The following NIBAN1 variants were observed in gnomAD, a reference collection of about 807,000 sequenced individuals.
NIBAN1 encodes the protein protein Niban 1.
Under a neutral mutation model 75.1 loss-of-function variants are expected in NIBAN1, and 81 were observed. The ratio of observed to expected loss-of-function variants is 1.08; its 90% CI spans 0.90 to 1.30. The LOEUF (loss-of-function observed/expected upper bound fraction) is 1.30, where lower values mean the gene tolerates loss of function less well. Ranked by LOEUF, NIBAN1 falls within the 50% of genes most tolerant of loss-of-function variation. The pLI, the probability that NIBAN1 is intolerant of heterozygous loss-of-function variation, is 0.00. For synonymous variants in NIBAN1, 436 were observed against 424.8 expected, an observed-to-expected ratio of 1.03 and a Z score of -0.32; for missense variants, 1,133 against 1,128.1, an observed-to-expected ratio of 1.00 and a Z score of -0.06.
Position 184,884,624 on chromosome 1 carries a change from G to A in NIBAN1, c.601+9C>T, listed in dbSNP as rs373975550. 32 of 1,613,638 alleles carry A rather than the reference G, an allele frequency of 2.0e-5. 1 individual carries two copies. The highest frequency in any genetic ancestry group is 4.0e-5 in the African/African-American group (3 of 74,906). ...CCGCCCCGGGGATGAGAGGGGAGCC[G>A]CGCCATACCATGATTGAGATGCCTG... On this transcript the variant is annotated intron_variant, in intron 5 of 13. Transcript: ENST00000367511.
chr1:184,899,443 C>A (rs1656888677), intron 1 of NIBAN1, 134 bp from the exon 2 acceptor site: 1 of 888,488 alleles, frequency 1.1e-6, no homozygotes, highest in Non-Finnish European at 1.7e-6. Flanking sequence ...CCTCCAGTCA[C>A]CCCTGTTTCC....
chr1:184,791,141 C>T lies in NIBAN1; in HGVS notation c.*3836G>A. On this transcript the variant is annotated 3_prime_UTR_variant, in exon 14 of 14. Coordinates refer to ENST00000367511, the MANE Select transcript of NIBAN1 (RefSeq NM_052966.4). Reference sequence around the variant, plus strand: ...TATAGTGACCGGGAAAGTCAATCCACAGTGTCGATTTTTTTTCTTGAAGTT... The same window carrying T: ...TATAGTGACCGGGAAAGTCAATCCATAGTGTCGATTTTTTTTCTTGAAGTT... The T allele has an allele frequency of 2.3e-6, 1 of 434,844 alleles. No individual in the cohort carries two copies. The allele number at this position is 434,844 out of a possible 1,614,324, so 26.9% of individuals were successfully genotyped here.
chr1:184,851,798 C>G (rs1341353121), intron 5 of NIBAN1, among the ~76,000 whole-genome samples: 2 of 150,988 alleles, frequency 1.3e-5, no homozygotes, highest in Admixed American at 1.3e-4. Flanking sequence ...TGAAATGTTA[C>G]ACTGTTAATT....
chr1:184,957,472 G>A (rs570527591), intron 1 of NIBAN1, among the ~76,000 whole-genome samples: 8 of 152,290 alleles, frequency 5.3e-5, no homozygotes, highest in Non-Finnish European at 8.8e-5. Context: ...CTTCTGTAGA[G>A]GCATTGTGTT....
At chr1:184,912,397 A>C (rs1242744104) in intron 1 of NIBAN1, among the ~76,000 whole-genome samples, 2 of 152,164 alleles carry the variant, frequency 1.3e-5, no homozygotes, top group Non-Finnish European at 2.9e-5. Flanking sequence ...AAGGGTGAGC[A>C]TCTTCACCTG....
intron 5 of NIBAN1, among the ~76,000 whole-genome samples, chr1:184,882,741 G>T (rs1300351503): frequency 6.6e-6 from 1 of 152,080 alleles, no homozygotes; most frequent in Non-Finnish European, 1.5e-5. Flanking sequence ...GCTGGGCAGG[G>T]AGCATTCTGC....
chr1:184,861,618 A>G (rs528479559), intron 5 of NIBAN1, among the ~76,000 whole-genome samples: 2 of 136,064 alleles, frequency 1.5e-5, no homozygotes, highest in South Asian at 5.1e-4. Flanking sequence ...AGGAAAGGAG[A>G]ATGAAGGAAG....
chr1:184,796,133 A>C (rs769961005), intron 13 of NIBAN1, 36 bp from the exon 14 acceptor site: 1 of 1,487,460 alleles, frequency 6.7e-7, no homozygotes, highest in Non-Finnish European at 8.9e-7. Context: ...TGATTTTCTG[A>C]TTTTATTGAG....
At chr1:184,910,676 T>A (rs894976501) in intron 1 of NIBAN1, among the ~76,000 whole-genome samples, 1 of 152,216 alleles carries the variant, frequency 6.6e-6, no homozygotes, top group African/African-American at 2.4e-5. Context: ...ATTAATTTTA[T>A]GTGTCAGTTT....
At chr1:184,807,899 C>T in intron 10 of NIBAN1, 175 bp downstream of exon 10, 1 of 677,894 alleles carries the variant, frequency 1.5e-6, no homozygotes, top group Non-Finnish European at 2.6e-6. Context: ...TGTTCATCCA[C>T]ATGGATGGAA....
intron 1 of NIBAN1, among the ~76,000 whole-genome samples, chr1:184,965,300 A>G (rs1266000631): frequency 6.8e-6 from 1 of 146,496 alleles, no homozygotes; most frequent in South Asian, 2.2e-4. Context: ...CTCCATCTCA[A>G]AAAAAAAAAA....
chr1:184,940,491 G>A (rs1214017326), intron 1 of NIBAN1, among the ~76,000 whole-genome samples: 13 of 152,070 alleles, frequency 8.5e-5, no homozygotes, highest in Non-Finnish European at 1.3e-4. Context: ...TTAAAATATA[G>A]GAAAGAAAAC....
chr1:184,952,596 CATA>C (rs1300750533), intron 1 of NIBAN1, among the ~76,000 whole-genome samples: 1 of 152,132 alleles, frequency 6.6e-6, no homozygotes, highest in Non-Finnish European at 1.5e-5. Context: ...AAAAAAATCT[CATA>C]ATGTTTTAGG....
chr1:184,806,587 G>A (rs964494470), intron 10 of NIBAN1, among the ~76,000 whole-genome samples: 1 of 151,972 alleles, frequency 6.6e-6, no homozygotes, highest in African/African-American at 2.4e-5. Flanking sequence ...CCAGTATTAC[G>A]AAAGAGACTT....
At chr1:184,967,722 C>T (rs72739658) in intron 1 of NIBAN1, among the ~76,000 whole-genome samples, 23 of 152,244 alleles carry the variant, frequency 1.5e-4, no homozygotes, top group African/African-American at 5.1e-4. Context: ...TTACAGCCAA[C>T]GTCCATAGTA....
At chr1:184,885,371 T>G (rs979760691) in intron 4 of NIBAN1, among the ~76,000 whole-genome samples, 1 of 152,010 alleles carries the variant, frequency 6.6e-6, no homozygotes, top group Non-Finnish European at 1.5e-5. Context: ...GACAGGGTTT[T>G]GCCATGTTGC....
chr1:184,798,095 A>T lies in NIBAN1; in HGVS notation c.1650T>A (p.Leu550=), dbSNP rs1193843306. The T allele has an allele frequency of 4.3e-6, 7 of 1,609,456 alleles. No homozygotes were observed. The highest frequency in any genetic ancestry group is 5.9e-6 in the Non-Finnish European group (7 of 1,176,670). Residue 550 remains leucine (L), a synonymous_variant, in exon 13 of 14, where the codon CTT becomes CTA. Coordinates refer to ENST00000367511, the MANE Select transcript of NIBAN1 (RefSeq NM_052966.4). ...VYEEILHQIL[L]DETLKVIKEA... is the part of the protein sequence containing the mutation. Reference sequence around the variant, plus strand: ...CTTTCTTACCTTTCAGAGTTTCATCAAGCAGGATCTGATGTAAAATCTCCT... The same window carrying T: ...CTTTCTTACCTTTCAGAGTTTCATCTAGCAGGATCTGATGTAAAATCTCCT...
intron 11 of NIBAN1, among the ~76,000 whole-genome samples, chr1:184,805,352 C>T (rs145857455): frequency 1.3e-5 from 2 of 152,330 alleles, no homozygotes; most frequent in African/African-American, 4.8e-5. Context: ...AGTTCCTCAT[C>T]TGTACAATGG....
At chr1:184,943,705 G>A (rs1205872106) in intron 1 of NIBAN1, among the ~76,000 whole-genome samples, 10 of 151,948 alleles carry the variant, frequency 6.6e-5, no homozygotes, top group Non-Finnish European at 1.5e-4. Context: ...TCAAAGAGAA[G>A]CAAATAATAA....
Sources: allele counts gnomAD v4.1 joint callset (sites outside exome capture counted in the v4.1 genomes callset), GRCh38; gene constraint gnomAD v4.1.1; transcripts MANE v1.5; gene names NCBI Gene and HGNC (gene_info 2026-07-23, HGNC 2026-07-21).